The following DPYD variants were observed in gnomAD, a reference collection of about 807,000 sequenced individuals.
The protein encoded by DPYD is dihydropyrimidine dehydrogenase.
A neutral mutation model predicts 116.2 loss-of-function variants in DPYD; 109 were observed. The observed-to-expected ratio is 0.94, with a 90% confidence interval of 0.80 to 1.10. The LOEUF (loss-of-function observed/expected upper bound fraction) is 1.10. DPYD is among the 50% of genes least tolerant of loss of function. DPYD has a pLI of 0.00. For missense variants in DPYD, 1,302 were observed against 1,254.5 expected, an observed-to-expected ratio of 1.04 and a Z score of -0.57; for synonymous variants, 440 against 432.0, an observed-to-expected ratio of 1.02 and a Z score of -0.23.
intron 18 of DPYD, among the ~76,000 whole-genome samples, chr1:97,290,471 C>G (rs1245105377): frequency 7.2e-5 from 11 of 152,056 alleles, no homozygotes; most frequent in Non-Finnish European, 1.5e-4. Context: ...CAGCATGGTA[C>G]TGGTACCAAA....
At chr1:97,672,942 C>A (rs1178182349) in intron 8 of DPYD, among the ~76,000 whole-genome samples, 1 of 151,922 alleles carries the variant, frequency 6.6e-6, no homozygotes, top group African/African-American at 2.4e-5. Flanking sequence ...TAAAAGAAAA[C>A]CAATTTGTGA....
At chr1:97,726,732 A>C (rs1402908530) in intron 4 of DPYD, among the ~76,000 whole-genome samples, 1 of 151,496 alleles carries the variant, frequency 6.6e-6, no homozygotes, top group Non-Finnish European at 1.5e-5. Context: ...GAAAAAAAAA[A>C]CATAATCCAA....
At chr1:97,884,967 G>C (rs1015061065) in intron 1 of DPYD, among the ~76,000 whole-genome samples, 3 of 151,886 alleles carry the variant, frequency 2.0e-5, no homozygotes, top group African/African-American at 4.8e-5. Context: ...GGCAACACCT[G>C]AATCAGAAGT....
At chr1:97,766,863 A>G (rs1665885666) in intron 3 of DPYD, among the ~76,000 whole-genome samples, 1 of 152,214 alleles carries the variant, frequency 6.6e-6, no homozygotes, top group South Asian at 2.1e-4. Flanking sequence ...GAATAAGTCT[A>G]AGAAAACTAA....
At chr1:97,875,076 T>C (rs1289179919) in intron 2 of DPYD, among the ~76,000 whole-genome samples, 1 of 151,884 alleles carries the variant, frequency 6.6e-6, no homozygotes. Flanking sequence ...ATAAAAATAT[T>C]AAATGAATGT....
rs1017228851 is a variant in DPYD at position 97,478,896 on chromosome 1, A to G, written c.1741-28673T>C. 3.3e-5 allele frequency among the ~76,000 whole-genome samples: 5 copies of G among 152,124 alleles called. No homozygotes were observed. In the East Asian group the frequency reaches 7.7e-4, roughly 23 times the overall value. Reference sequence around the variant, plus strand: ...CTGCTTCGCCTTGTAATTTTATGTTATGGAGATCTCTTCTTTCCTTAAATT... The same window carrying G: ...CTGCTTCGCCTTGTAATTTTATGTTGTGGAGATCTCTTCTTTCCTTAAATT... On this transcript the variant is annotated intron_variant, in intron 13 of 22. Transcript: ENST00000370192.
intron 5 of DPYD, chr1:97,719,936 G>A (rs1302776144): frequency 3.0e-6 from 3 of 984,546 alleles, no homozygotes; most frequent in Non-Finnish European, 3.6e-6. Context: ...GATACTTATG[G>A]CAAGACCTAA....
intron 14 of DPYD, among the ~76,000 whole-genome samples, chr1:97,432,506 C>T (rs1293809286): frequency 5.9e-5 from 9 of 152,084 alleles, no homozygotes; most frequent in Admixed American, 6.6e-5. Context: ...TTCCACCTCT[C>T]CCACTAGATT....
intron 8 of DPYD, among the ~76,000 whole-genome samples, chr1:97,653,005 C>T (rs1289091097): frequency 1.3e-5 from 2 of 152,060 alleles, no homozygotes; most frequent in African/African-American, 4.8e-5. Context: ...AGTGATGATC[C>T]TGCTTCAATT....
intron 12 of DPYD, among the ~76,000 whole-genome samples, chr1:97,518,684 A>G (rs78991521): frequency 0.012 from 1,878 of 152,244 alleles, 23 homozygotes; most frequent in Middle Eastern, 0.024. Context: ...TTCAGAAAAT[A>G]CTATTTTTCC....
chr1:97,611,372 G>C (rs1270500661), intron 8 of DPYD, among the ~76,000 whole-genome samples: 2 of 152,054 alleles, frequency 1.3e-5, no homozygotes, highest in Non-Finnish European at 2.9e-5. Flanking sequence ...TATAAGATGA[G>C]AGTTGGGTGG....
intron 2 of DPYD, among the ~76,000 whole-genome samples, chr1:97,859,577 T>C (rs1019318769): frequency 6.6e-6 from 1 of 152,110 alleles, no homozygotes; most frequent in African/African-American, 2.4e-5. Context: ...CCACCCTATA[T>C]GTAAGTTCTC....
At chr1:97,568,114 GA>G (rs1438312446) in intron 11 of DPYD, among the ~76,000 whole-genome samples, 3 of 151,292 alleles carry the variant, frequency 2.0e-5, no homozygotes, top group East Asian at 3.9e-4. Context: ...TTTTTTTCAG[GA>G]AAAAAACTAA....
At chr1:97,386,637 T>C (rs1311667865) in intron 14 of DPYD, among the ~76,000 whole-genome samples, 1 of 152,150 alleles carries the variant, frequency 6.6e-6, no homozygotes, top group African/African-American at 2.4e-5. Flanking sequence ...TCAAAGCAAT[T>C]TTTTAAATCA....
chr1:97,794,380 A>T (rs1169650064), intron 3 of DPYD, among the ~76,000 whole-genome samples: 1 of 152,230 alleles, frequency 6.6e-6, no homozygotes, highest in East Asian at 1.9e-4. Flanking sequence ...CCGACCAAAA[A>T]AAATAAACAA....
chr1:97,584,380 G>A (rs1653932141), intron 10 of DPYD, among the ~76,000 whole-genome samples: 3 of 151,826 alleles, frequency 2.0e-5, no homozygotes, highest in African/African-American at 4.8e-5. Flanking sequence ...CTCTGATGGT[G>A]GTTTCTTTTG....
At chr1:97,114,921 T>C (rs1321746363) in intron 20 of DPYD, among the ~76,000 whole-genome samples, 3 of 152,196 alleles carry the variant, frequency 2.0e-5, no homozygotes, top group African/African-American at 4.8e-5. Context: ...GTAATCCATC[T>C]CTTATGTCAG....
chr1:97,560,538 GC>G (rs1652067553), intron 11 of DPYD, among the ~76,000 whole-genome samples: 1 of 147,762 alleles, frequency 6.8e-6, no homozygotes, highest in African/African-American at 2.5e-5. Flanking sequence ...GCATTACCTT[GC>G]CTTCATTCAT....
intron 13 of DPYD, among the ~76,000 whole-genome samples, chr1:97,454,468 G>T: frequency 6.6e-6 from 1 of 151,964 alleles, no homozygotes; most frequent in African/African-American, 2.4e-5. Flanking sequence ...AATAGTTAGA[G>T]TAGAGAAGAG....
Sources: gnomAD v4.1 joint callset for allele counts (sites outside exome capture counted in the v4.1 genomes callset) on GRCh38, gnomAD v4.1.1 for gene constraint, MANE v1.5 for transcripts, NCBI Gene and HGNC (gene_info 2026-07-23, HGNC 2026-07-21) for gene names.